Variants in ANO3 observed in about 807,000 individuals in gnomAD.
The protein encoded by ANO3 is anoctamin-3.
Under a neutral mutation model 144.8 loss-of-function variants are expected in ANO3, and 99 were observed. The ratio of observed to expected loss-of-function variants is 0.68; its 90% confidence interval spans 0.58 to 0.81. The LOEUF (loss-of-function observed/expected upper bound fraction) is 0.81. Ranked by LOEUF, ANO3 falls within the 30% of genes least tolerant of loss-of-function variation. ANO3 has a pLI of 0.00. For synonymous variants in ANO3, 414 were observed against 392.6 expected, an observed-to-expected ratio of 1.05 and a Z score of -0.64; for missense variants, 905 against 1,202.2, an observed-to-expected ratio of 0.75 and a Z score of 3.66.
intron 2 of ANO3, among the ~76,000 whole-genome samples, chr11:26,442,802 T>C (rs1048567673): frequency 1.3e-5 from 2 of 152,196 alleles, no homozygotes; most frequent in Non-Finnish European, 2.9e-5. Flanking sequence ...AGTCTTGCTC[T>C]GTCGCCCAGG....
intron 1 of ANO3, among the ~76,000 whole-genome samples, chr11:26,261,215 T>A (rs896199730): frequency 4.6e-5 from 7 of 152,228 alleles, no homozygotes; most frequent in Non-Finnish European, 8.8e-5. Context: ...TTCACTATTT[T>A]TTTTTACTTG....
intron 10 of ANO3, among the ~76,000 whole-genome samples, chr11:26,539,986 C>A (rs1849604514): frequency 6.6e-6 from 1 of 152,024 alleles, no homozygotes; most frequent in African/African-American, 2.4e-5. Context: ...TGTCTTGTAT[C>A]TCACATTTTG....
At chr11:26,324,985 T>A (rs879153933) in intron 1 of ANO3, among the ~76,000 whole-genome samples, 1 of 152,186 alleles carries the variant, frequency 6.6e-6, no homozygotes, top group African/African-American at 2.4e-5. Flanking sequence ...AAGGATTCAA[T>A]TTCCTGGTAA....
chr11:26,565,773 A>C (rs754339048), intron 14 of ANO3: 4 of 1,613,150 alleles, frequency 2.5e-6, no homozygotes, highest in Non-Finnish European at 3.4e-6. Context: ...TGTTGTGTTT[A>C]TGTCTTGATT....
chr11:26,220,885 C>G (rs1852129069), intron 1 of ANO3, among the ~76,000 whole-genome samples: 1 of 152,178 alleles, frequency 6.6e-6, no homozygotes, highest in African/African-American at 2.4e-5. Context: ...AAAGGCATGA[C>G]AGTGTGCATT....
chr11:26,559,115 T>G (rs183151678), intron 13 of ANO3: 1 of 152,388 alleles, frequency 6.6e-6, no homozygotes. Context: ...ATGCATCCTT[T>G]ATGAAGTTTC....
At chr11:26,333,415 G>A (rs1855110113) in intron 1 of ANO3, among the ~76,000 whole-genome samples, 1 of 151,746 alleles carries the variant, frequency 6.6e-6, no homozygotes, top group Admixed American at 6.6e-5. Flanking sequence ...CTGAGTAGCT[G>A]GGACTACAGG....
intron 24 of ANO3, among the ~76,000 whole-genome samples, chr11:26,655,726 T>C (rs1320482864): frequency 6.6e-6 from 1 of 152,196 alleles, no homozygotes; most frequent in Admixed American, 6.5e-5. Flanking sequence ...TAAATATATA[T>C]GTTTAATAAG....
chr11:26,444,426 A>G (rs892254636), intron 3 of ANO3, among the ~76,000 whole-genome samples: 2 of 152,230 alleles, frequency 1.3e-5, no homozygotes, highest in East Asian at 1.9e-4. Flanking sequence ...TAATGTGTCA[A>G]CACTTATTTT....
chr11:26,533,357 G>A (rs1475712192), intron 8 of ANO3, among the ~76,000 whole-genome samples: 1 of 151,924 alleles, frequency 6.6e-6, no homozygotes, highest in African/African-American at 2.4e-5. Flanking sequence ...ATATTATGTT[G>A]GTACAACATT....
intron 1 of ANO3, among the ~76,000 whole-genome samples, chr11:26,411,486 AAAG>A (rs1857431546): frequency 6.6e-6 from 1 of 152,032 alleles, no homozygotes; most frequent in Non-Finnish European, 1.5e-5. Context: ...ACCATATAGA[AAAG>A]AAGTTAGATT....
At chr11:26,268,247 G>A (rs754466185) in intron 1 of ANO3, among the ~76,000 whole-genome samples, 10 of 152,102 alleles carry the variant, frequency 6.6e-5, no homozygotes, top group Non-Finnish European at 1.2e-4. Context: ...GATCTTGTTC[G>A]AAAGAAAGTC....
intron 1 of ANO3, among the ~76,000 whole-genome samples, chr11:26,402,939 A>G (rs1026046954): frequency 2.6e-5 from 4 of 150,978 alleles, no homozygotes; most frequent in Admixed American, 2.0e-4. Context: ...TAATGCATCA[A>G]TTCGCCAGCT....
chr11:26,455,836 A>G (rs2134046074), intron 3 of ANO3, among the ~76,000 whole-genome samples: 1 of 151,514 alleles, frequency 6.6e-6, no homozygotes, highest in East Asian at 2.0e-4. Flanking sequence ...CTACAAGGCT[A>G]CAGTAACCAA....
chr11:26,355,185 C>T (rs942853528), intron 1 of ANO3, among the ~76,000 whole-genome samples: 9 of 151,978 alleles, frequency 5.9e-5, no homozygotes, highest in Non-Finnish European at 1.3e-4. Flanking sequence ...TTTCTTTGCT[C>T]CCTGTTTTAC....
At chr11:26,272,509 G>T (rs992863612) in intron 1 of ANO3, among the ~76,000 whole-genome samples, 7 of 152,280 alleles carry the variant, frequency 4.6e-5, no homozygotes, top group African/African-American at 1.4e-4. Flanking sequence ...ACTCTAATAT[G>T]ATTCCAGAAA....
chr11:26,280,022 A>C (rs1853643507), intron 1 of ANO3, among the ~76,000 whole-genome samples: 5 of 152,176 alleles, frequency 3.3e-5, no homozygotes, highest in Admixed American at 6.5e-5. Context: ...TTTAATGAAA[A>C]AGAGTTTTCA....
chr11:26,491,661 T>G (rs1860714382), intron 4 of ANO3, among the ~76,000 whole-genome samples: 1 of 152,192 alleles, frequency 6.6e-6, no homozygotes, highest in African/African-American at 2.4e-5. Context: ...TTACTCTTGG[T>G]TATGGAAAAA....
At chr11:26,388,248 A>G (rs1856786287) in intron 1 of ANO3, among the ~76,000 whole-genome samples, 1 of 151,810 alleles carries the variant, frequency 6.6e-6, no homozygotes, top group South Asian at 2.1e-4. Flanking sequence ...GAATCTAGTA[A>G]TACTTTAGTA....
Sources: allele counts gnomAD v4.1 joint callset (sites outside exome capture counted in the v4.1 genomes callset), GRCh38; gene constraint gnomAD v4.1.1; transcripts MANE v1.5; gene names NCBI Gene and HGNC (gene_info 2026-07-23, HGNC 2026-07-21).